The following BBS9 variants were observed in gnomAD, a reference collection of about 807,000 sequenced individuals.
The protein encoded by BBS9 is protein PTHB1.
Under a neutral mutation model 117.7 loss-of-function variants are expected in BBS9, and 89 were observed. That is an observed-to-expected ratio of 0.76 (90% CI 0.64 to 0.90). The LOEUF is 0.90. BBS9 is among the 40% of genes least tolerant of loss of function. BBS9 has a pLI of 0.00. For missense variants in BBS9, 982 were observed against 1,042.2 expected, an observed-to-expected ratio of 0.94 and a Z score of 0.80; for synonymous variants, 379 against 370.9, an observed-to-expected ratio of 1.02 and a Z score of -0.25.
intron 16 of BBS9, among the ~76,000 whole-genome samples, chr7:33,359,038 G>A: frequency 6.6e-6 from 1 of 151,480 alleles, no homozygotes; most frequent in East Asian, 1.9e-4. Flanking sequence ...TGTATATATT[G>A]TTAGCAAAAT....
chr7:33,280,330 C>G (rs146686565), intron 9 of BBS9, among the ~76,000 whole-genome samples: 1,595 of 152,256 alleles, frequency 0.01, 9 homozygotes, highest in Non-Finnish European at 0.017. Context: ...CCACTCCCTC[C>G]CTCCCCACTC....
chr7:33,455,760 A>G (rs1563200703), intron 19 of BBS9, among the ~76,000 whole-genome samples: 1 of 152,230 alleles, frequency 6.6e-6, no homozygotes, highest in Non-Finnish European at 1.5e-5. Flanking sequence ...AAAGATCAGA[A>G]CTACAGAGGA....
At chr7:33,246,587 C>T (rs111311749) in intron 5 of BBS9, among the ~76,000 whole-genome samples, 32 of 151,970 alleles carry the variant, frequency 2.1e-4, no homozygotes, top group African/African-American at 6.8e-4. Context: ...AGTAGTTTAC[C>T]TTAGTTTGAA....
At chr7:33,247,194 A>G (rs867808975) in intron 5 of BBS9, among the ~76,000 whole-genome samples, 2 of 152,176 alleles carry the variant, frequency 1.3e-5, no homozygotes, top group South Asian at 2.1e-4. Context: ...TATAAGGAAT[A>G]GAATAACCCA....
At chr7:33,403,253 C>T (rs1829248523) in intron 19 of BBS9, among the ~76,000 whole-genome samples, 1 of 151,422 alleles carries the variant, frequency 6.6e-6, no homozygotes, top group Non-Finnish European at 1.5e-5. Flanking sequence ...CCTCTCTCCC[C>T]ACTCTAATAC....
chr7:33,527,337 C>T (rs1210885652), intron 20 of BBS9, among the ~76,000 whole-genome samples: 6 of 152,120 alleles, frequency 3.9e-5, no homozygotes, highest in Non-Finnish European at 7.4e-5. Context: ...GTGGGCGCCC[C>T]TCCCCCAGCC....
At chr7:33,488,162 A>G (rs561798703) in intron 19 of BBS9, among the ~76,000 whole-genome samples, 1 of 152,112 alleles carries the variant, frequency 6.6e-6, no homozygotes, top group Admixed American at 6.5e-5. Flanking sequence ...TTTATGCTAC[A>G]TCTGTGTTTC....
At position 33,243,036 on chromosome 7, in the gene BBS9, A is replaced by C. The variant is rs1172779103; in HGVS notation, c.443-14200A>C. On this transcript the variant is annotated intron_variant, in intron 5 of 22. Transcript: ENST00000242067. Reference sequence around the variant, plus strand: ...ATTCTTGACGTTCCCAAGTTATAGAATAGTTGGATGTGCTAATAATGTATG... The same window carrying C: ...ATTCTTGACGTTCCCAAGTTATAGACTAGTTGGATGTGCTAATAATGTATG... 3.3e-5 allele frequency: 17 copies of C among 516,532 alleles called. No homozygotes were observed. In the East Asian group the frequency reaches 9.3e-4, roughly 28 times the overall value. The allele number at this position is 516,532 out of a possible 1,614,324, so 32.0% of individuals were successfully genotyped here.
chr7:33,559,174 C>T (rs1334524407), intron 21 of BBS9, among the ~76,000 whole-genome samples: 4 of 152,156 alleles, frequency 2.6e-5, no homozygotes, highest in African/African-American at 7.2e-5. Flanking sequence ...CACTTATCTT[C>T]GTAGATGATT....
At chr7:33,164,565 A>G (rs1317535817) in intron 4 of BBS9, among the ~76,000 whole-genome samples, 4 of 152,150 alleles carry the variant, frequency 2.6e-5, no homozygotes, top group African/African-American at 9.7e-5. Flanking sequence ...TGTTGAATTG[A>G]TCCCTTTACC....
Position 33,273,031 on chromosome 7 carries a change from T to A in BBS9, c.722T>A (p.Ile241Asn). Residue 241 changes from isoleucine to asparagine, a missense_variant, in exon 8 of 23, where the codon ATT becomes AAT. Coordinates refer to ENST00000242067, the MANE Select transcript of BBS9 (RefSeq NM_198428.3). ...TTGTAGGTGGATTGGACTCTAAATA[T>A]TGGAGAGCAAGCCCTTGACATATGT... ...KRLVVDWTLN[I>N]GEQALDICIV... The A allele has an allele frequency of 6.2e-7, 1 of 1,613,760 alleles. No individual in the cohort carries two copies. The highest frequency in any genetic ancestry group is 8.5e-7 in the Non-Finnish European group (1 of 1,179,780).
intron 5 of BBS9, among the ~76,000 whole-genome samples, chr7:33,234,909 TTGAA>T (rs1421943405): frequency 1.3e-5 from 2 of 152,070 alleles, no homozygotes; most frequent in Non-Finnish European, 2.9e-5. Context: ...AGAAATTTGT[TTGAA>T]TGGAAGGTAG....
At chr7:33,469,012 T>A (rs1544558) in intron 19 of BBS9, among the ~76,000 whole-genome samples, 1 of 151,348 alleles carries the variant, frequency 6.6e-6, no homozygotes, top group African/African-American at 2.4e-5. Flanking sequence ...TTTTTTTTTT[T>A]TGTGAGAGAC....
At chr7:33,544,439 G>A (rs111465512) in intron 21 of BBS9, among the ~76,000 whole-genome samples, 2,950 of 152,180 alleles carry the variant, frequency 0.019, 42 homozygotes, top group Middle Eastern at 0.048. Flanking sequence ...TCTGTGTGCC[G>A]AACTATAGTG....
At chr7:33,526,709 C>T (rs571012977) in intron 20 of BBS9, among the ~76,000 whole-genome samples, 297 of 148,546 alleles carry the variant, frequency 2.0e-3, no homozygotes, top group African/African-American at 7.1e-3. Flanking sequence ...TCCCGTAGCT[C>T]AGAGTAATTT....
intron 5 of BBS9, among the ~76,000 whole-genome samples, chr7:33,193,306 T>G (rs1030897970): frequency 6.6e-6 from 1 of 152,196 alleles, no homozygotes; most frequent in Admixed American, 6.5e-5. Flanking sequence ...TTAATTCATA[T>G]TCTTATTAAA....
chr7:33,223,706 G>T, intron 5 of BBS9, among the ~76,000 whole-genome samples: 1 of 150,784 alleles, frequency 6.6e-6, no homozygotes, highest in Non-Finnish European at 1.5e-5. Flanking sequence ...ACTAGATTAT[G>T]AGTTACTTGA....
chr7:33,237,086 A>G (rs967477792), intron 5 of BBS9, among the ~76,000 whole-genome samples: 2 of 152,172 alleles, frequency 1.3e-5, no homozygotes, highest in African/African-American at 2.4e-5. Context: ...ATACATTTTT[A>G]TTAAACCAAA....
At chr7:33,163,005 T>C (rs1307964754) in intron 4 of BBS9, among the ~76,000 whole-genome samples, 4 of 152,246 alleles carry the variant, frequency 2.6e-5, no homozygotes, top group Admixed American at 6.5e-5. Flanking sequence ...ATACGTTCCA[T>C]CAATACCTAG....
Sources: allele counts gnomAD v4.1 joint callset (sites outside exome capture counted in the v4.1 genomes callset), GRCh38; gene constraint gnomAD v4.1.1; transcripts MANE v1.5; gene names NCBI Gene and HGNC (gene_info 2026-07-23, HGNC 2026-07-21).